Variants in TADA1 observed in about 807,000 individuals in gnomAD.
TADA1 encodes the protein transcriptional adapter 1.
A neutral mutation model predicts 39.3 loss-of-function variants in TADA1; 23 were observed. The ratio of observed to expected loss-of-function variants is 0.58; its 90% confidence interval spans 0.42 to 0.83. The LOEUF (loss-of-function observed/expected upper bound fraction) is 0.83, where lower values mean the gene tolerates loss of function less well. TADA1 is among the 40% of genes least tolerant of loss of function. The pLI, the probability that TADA1 is intolerant of heterozygous loss-of-function variation, is 0.00. For synonymous variants in TADA1, 137 were observed against 151.8 expected, an observed-to-expected ratio of 0.90 and a Z score of 0.72; for missense variants, 352 against 408.1, an observed-to-expected ratio of 0.86 and a Z score of 1.18.
intron 5 of TADA1, 56 bp from the exon 6 acceptor site, chr1:166,860,393 A>G (rs1294037584): frequency 6.5e-7 from 1 of 1,530,640 alleles, no homozygotes; most frequent in Non-Finnish European, 8.8e-7. Context: ...GCAAATCATA[A>G]AACTTCCACT....
chr1:166,865,781 T>G (rs1447200013), intron 3 of TADA1, among the ~76,000 whole-genome samples: 2 of 151,116 alleles, frequency 1.3e-5, no homozygotes, highest in African/African-American at 2.4e-5. Context: ...AAAGCACCAC[T>G]GCACTCCAGC....
At chr1:166,876,064 C>A in intron 1 of TADA1, 96 bp downstream of exon 1, 1 of 1,274,392 alleles carries the variant, frequency 7.8e-7, no homozygotes, top group Non-Finnish European at 1.1e-6. Context: ...TGCACAGGCC[C>A]CCGGGCGACG....
intron 4 of TADA1, 156 bp from the exon 5 acceptor site, chr1:166,862,568 T>TCA (rs1658439454): frequency 1.6e-6 from 1 of 620,414 alleles, no homozygotes; most frequent in Admixed American, 2.8e-5. Flanking sequence ...GCACAAATAA[T>TCA]CACAGATTCA....
chr1:166,869,320 TA>T, intron 3 of TADA1, 124 bp downstream of exon 3: 1 of 648,150 alleles, frequency 1.5e-6, no homozygotes, highest in Non-Finnish European at 2.6e-6. Context: ...ATCTACCTAA[TA>T]AAACTTTTCT....
At position 166,864,118 on chromosome 1, in the gene TADA1, CAACT is replaced by C. The variant is rs574555430; in HGVS notation, c.233-201_233-198del. Among the ~76,000 whole-genome samples the C allele has an allele frequency of 6.4e-3, 972 of 152,204 alleles. 4 individuals are homozygous for C. The highest frequency in any genetic ancestry group is 0.024 in the Middle Eastern group (7 of 294). Reference sequence around the variant, plus strand: ...TCAAATCACATTTTTTTCCTAGCTGCAACTAAAATTTTTTTAGGAAGACAAATTT... The same window carrying C: ...TCAAATCACATTTTTTTCCTAGCTGCAAAATTTTTTTAGGAAGACAAATTT... On this transcript the variant is annotated intron_variant, in intron 3 of 7. Transcript: ENST00000367874.
chr1:166,875,430 C>A (rs2101798836), intron 1 of TADA1, among the ~76,000 whole-genome samples: 1 of 152,212 alleles, frequency 6.6e-6, no homozygotes, highest in East Asian at 1.9e-4. Context: ...ATGCATCAGT[C>A]GGGAATCAAA....
intron 3 of TADA1, 30 bp downstream of exon 3, chr1:166,869,415 C>T (rs758191173): frequency 1.3e-6 from 2 of 1,585,748 alleles, no homozygotes; most frequent in Non-Finnish European, 1.7e-6. Context: ...TGCTGACTTA[C>T]ACACACTGGA....
At chr1:166,862,757 A>G (rs1348061667) in intron 4 of TADA1, 2 of 285,402 alleles carry the variant, frequency 7.0e-6, no homozygotes, top group Admixed American at 4.9e-5. Flanking sequence ...AGCATTTTAA[A>G]TCTAACCGTA....
intron 1 of TADA1, among the ~76,000 whole-genome samples, chr1:166,875,361 T>A (rs1215368405): frequency 1.3e-5 from 2 of 152,218 alleles, no homozygotes; most frequent in Non-Finnish European, 2.9e-5. Flanking sequence ...CTAGGTCCCC[T>A]GCCATAACCT....
chr1:166,858,993 C>G (rs1658346322), intron 6 of TADA1, among the ~76,000 whole-genome samples: 1 of 152,254 alleles, frequency 6.6e-6, no homozygotes, highest in Admixed American at 6.5e-5. Context: ...CCAGAAGCTG[C>G]TCCCAACATC....
At chr1:166,871,229 T>G (rs968629554) in intron 1 of TADA1, among the ~76,000 whole-genome samples, 1 of 152,210 alleles carries the variant, frequency 6.6e-6, no homozygotes, top group Admixed American at 6.5e-5. Context: ...ACAACAGTGT[T>G]AGGAATTAGA....
chr1:166,862,638 G>C (rs1259731542), intron 4 of TADA1: 2 of 571,174 alleles, frequency 3.5e-6, no homozygotes, highest in Non-Finnish European at 3.1e-6. Flanking sequence ...AGTTTGCGTA[G>C]TAGTTTATTC....
rs201422092 is a variant in TADA1 at position 166,876,188 on chromosome 1, T to C, written c.46A>G (p.Ser16Gly). ...TTCACGTTGTCCCCCAGGGCCTCGC[T>C]TAAGTTCTTCTTGGCCGCCTCCAGC... Reference protein sequence around the residue: ...SELEAAKKNLSEALGDNVKQY... With the variant: ...SELEAAKKNLGEALGDNVKQY... The change falls in exon 1 of 8, where the codon AGC (serine) becomes GGC (glycine). Residue 16 changes from serine (S) to glycine (G), a missense_variant. Coordinates refer to ENST00000367874, the MANE Select transcript of TADA1 (RefSeq NM_053053.4). 1.2e-6 allele frequency: 2 copies of C among 1,613,864 alleles called. No homozygotes were observed. Among genetic ancestry groups the C allele is most frequent in the East Asian group, 4.5e-5 (2 of 44,860 alleles).
intron 1 of TADA1, among the ~76,000 whole-genome samples, chr1:166,872,434 G>A (rs1658678443): frequency 2.0e-5 from 3 of 152,192 alleles, no homozygotes; most frequent in South Asian, 4.1e-4. Context: ...GACTTTAGCA[G>A]GCCAAGGCGG....
chr1:166,860,086 A>C, intron 6 of TADA1, 100 bp downstream of exon 6: 2 of 1,143,350 alleles, frequency 1.7e-6, no homozygotes, highest in South Asian at 3.6e-5. Context: ...AAAGGTACTT[A>C]AACCTATGAA....
At chr1:166,872,578 G>A (rs182989706) in intron 1 of TADA1, among the ~76,000 whole-genome samples, 25 of 152,184 alleles carry the variant, frequency 1.6e-4, no homozygotes, top group East Asian at 5.8e-4. Context: ...AGACTGAGAC[G>A]GGAGAATCGC....
At chr1:166,861,098 T>C (rs886202371) in intron 5 of TADA1, among the ~76,000 whole-genome samples, 1 of 152,180 alleles carries the variant, frequency 6.6e-6, no homozygotes, top group Non-Finnish European at 1.5e-5. Context: ...AAACAACAGA[T>C]ATATAGGAAA....
At chr1:166,875,614 A>G (rs978197282) in intron 1 of TADA1, among the ~76,000 whole-genome samples, 6 of 152,250 alleles carry the variant, frequency 3.9e-5, no homozygotes, top group Admixed American at 1.3e-4. Context: ...TACTGCTATC[A>G]TCACTATAAT....
At chr1:166,876,122 G>A in intron 1 of TADA1, 38 bp downstream of exon 1, 1 of 1,576,558 alleles carries the variant, frequency 6.3e-7, no homozygotes, top group Non-Finnish European at 8.6e-7. Flanking sequence ...GAGAGCACCC[G>A]CGTGTTGGCC....
Sources: gnomAD v4.1 joint callset for allele counts (sites outside exome capture counted in the v4.1 genomes callset) on GRCh38, gnomAD v4.1.1 for gene constraint, MANE v1.5 for transcripts, NCBI Gene and HGNC (gene_info 2026-07-23, HGNC 2026-07-21) for gene names.